TKFC: variants seen among roughly 807,000 people sequenced by gnomAD.
The protein encoded by TKFC is triokinase/FMN cyclase.
In TKFC, 46 loss-of-function variants were observed where a neutral mutation model predicts 61.0. The observed-to-expected ratio is 0.75, with a 90% CI of 0.60 to 0.96. The LOEUF is 0.96. Among genes scored for constraint, TKFC ranks in the 50% least tolerant of loss-of-function variants. TKFC has a pLI of 0.00. For missense variants in TKFC, 715 were observed against 777.5 expected (o/e 0.92, Z 0.96); for synonymous variants, 314 against 330.1 (o/e 0.95, Z 0.53).
intron 2 of TKFC, among the ~76,000 whole-genome samples, chr11:61,337,451 T>C (rs890596608): frequency 2.6e-5 from 4 of 152,180 alleles, no homozygotes; most frequent in African/African-American, 9.6e-5. Flanking sequence ...TGAGCTGTTA[T>C]CTCTACACAT....
chr11:61,352,843 A>C (rs755557977), downstream of TKFC: 4 of 1,493,384 alleles, frequency 2.7e-6, no homozygotes, highest in Non-Finnish European at 3.6e-6. Flanking sequence ...AGAAAGATCA[A>C]TTCTGTTACC....
intron 5 of TKFC, among the ~76,000 whole-genome samples, chr11:61,340,232 G>A (rs952361495): frequency 1.3e-5 from 2 of 151,666 alleles, no homozygotes; most frequent in Non-Finnish European, 2.9e-5. Context: ...GGCTGGCCTC[G>A]AACTCCTGAC....
At position 61,346,597 on chromosome 11, in the gene TKFC, C is replaced by T; in HGVS notation, c.*94C>T. 4.7e-6 allele frequency: 7 copies of T among 1,496,928 alleles called. No individual in the cohort carries two copies. Among genetic ancestry groups the T allele is most frequent in the Non-Finnish European group, 6.2e-6 (7 of 1,128,908 alleles). 92.7% of individuals were successfully genotyped at this position (1,496,928 alleles called of 1,614,324 possible). A position where few individuals can be genotyped will look rare whatever the true frequency, so the allele number is the denominator to read the frequency against. On this transcript the variant is annotated 3_prime_UTR_variant, in exon 18 of 18. Coordinates refer to ENST00000394900, the MANE Select transcript of TKFC (RefSeq NM_015533.4). The surrounding 1 kb of genome is among the most constrained non-coding windows in gnomAD (Gnocchi z 4.1). Reference sequence around the variant, plus strand: ...TTCTGCCTTCCAACCCTCACCTTCCCCCGGCCTGGCCCCATTGGCCCACCC... The same window carrying T: ...TTCTGCCTTCCAACCCTCACCTTCCTCCGGCCTGGCCCCATTGGCCCACCC...
downstream of TKFC, chr11:61,350,266 G>A: frequency 8.1e-7 from 1 of 1,232,292 alleles, no homozygotes; most frequent in South Asian, 1.4e-5. Flanking sequence ...CCAGCACCCA[G>A]GCAAGAAGTC....
At chr11:61,341,639 G>A (rs1856859962) in intron 6 of TKFC, 125 bp downstream of exon 6, 1 of 1,271,224 alleles carries the variant, frequency 7.9e-7, no homozygotes, top group Non-Finnish European at 1.1e-6. Flanking sequence ...TCTAGGGAGT[G>A]TATCCCTGGG....
chr11:61,333,302 C>T lies in TKFC; in HGVS notation c.-137C>T, dbSNP rs1856454211. The T allele has an allele frequency of 9.2e-6, 2 of 217,752 alleles. No homozygotes were observed. The highest frequency in any genetic ancestry group is 2.3e-5 in the African/African-American group (1 of 43,936). 13.5% of individuals were successfully genotyped at this position (217,752 alleles called of 1,614,324 possible). A position where few individuals can be genotyped will look rare whatever the true frequency, so the allele number is the denominator to read the frequency against. On this transcript the variant is annotated 5_prime_UTR_variant, in exon 1 of 18. Coordinates refer to ENST00000394900, the MANE Select transcript of TKFC (RefSeq NM_015533.4). ...GAAGTCGCGGCGCCTTCGGATGTGG[C>T]GGATGCGGCCGTGAGCCGGCGGGGG...
downstream of TKFC, chr11:61,352,509 A>C (rs1302947786): frequency 6.0e-6 from 1 of 167,504 alleles, no homozygotes; most frequent in Admixed American, 5.6e-5. Flanking sequence ...AAAATTCAAA[A>C]AATTAGCCGG....
In TKFC at chr11:61,338,098, G is replaced by C; in HGVS notation, c.161G>C (p.Gly54Ala). The change falls in exon 3 of 18, where the codon GGT (glycine) becomes GCT (alanine). Residue 54 changes from glycine (G) to alanine (A), a missense_variant. Transcript: ENST00000394900. ...AAGGGCCGGGTGGCACTGCTGTCGGGTGGGGGCTCTGGCCATGAGCCTGCC... is the reference window on the plus strand; with the variant it reads ...AAGGGCCGGGTGGCACTGCTGTCGGCTGGGGGCTCTGGCCATGAGCCTGCC... ...SLKGRVALLS[G>A]GGSGHEPAHA... 6.2e-7 allele frequency: 1 copy of C among 1,606,550 alleles called. No homozygotes were observed. Among genetic ancestry groups the C allele is most frequent in the Non-Finnish European group, 8.5e-7 (1 of 1,178,602 alleles).
intron 2 of TKFC, among the ~76,000 whole-genome samples, chr11:61,336,723 G>A (rs990260773): frequency 1.3e-5 from 2 of 152,116 alleles, no homozygotes; most frequent in Admixed American, 6.5e-5. Context: ...TGGCCCCCAC[G>A]CTACTCACTT....
chr11:61,339,555 T>C (rs942033559), intron 5 of TKFC, 120 bp downstream of exon 5: 2 of 1,183,026 alleles, frequency 1.7e-6, no homozygotes, highest in South Asian at 1.6e-5. Context: ...TTTTCTCCAG[T>C]GTTCCCTGAT....
Position 61,341,601 on chromosome 11 carries a change from C to T in TKFC, c.565+87C>T, listed in dbSNP as rs1856859010. 2.8e-6 allele frequency: 4 copies of T among 1,437,220 alleles called. No individual in the cohort carries two copies. In the African/African-American group the frequency reaches 4.2e-5, roughly 15 times the overall value. The allele number at this position is 1,437,220 out of a possible 1,614,324, so 89.0% of individuals were successfully genotyped here. ...GAGCAGGTTCCTGTTGGCTGCCTAG[C>T]GGTGCTCCCCAGGTTATTCCCCAGG... is the stretch of plus-strand genomic sequence containing the variant. On this transcript the variant is annotated intron_variant, in intron 6 of 17. Transcript: ENST00000394900.
chr11:61,349,760 C>T, downstream of TKFC: 2 of 658,026 alleles, frequency 3.0e-6, no homozygotes, highest in Non-Finnish European at 5.6e-6. Context: ...GCCACTCCCC[C>T]TTTCTGCAAT....
intron 2 of TKFC, 49 bp from the exon 3 acceptor site, chr11:61,337,892 G>A (rs372891025): frequency 7.3e-6 from 11 of 1,516,946 alleles, no homozygotes; most frequent in Non-Finnish European, 9.7e-6. Context: ...CAGGATGGGG[G>A]TATCTGTACT....
At chr11:61,350,165 C>G, downstream of TKFC, 1 of 598,822 alleles carries the variant, frequency 1.7e-6, no homozygotes, top group Non-Finnish European at 2.9e-6. Context: ...GGAAAGCAGA[C>G]AGGCAGCAAG....
chr11:61,337,883 A>G (rs1856676156), intron 2 of TKFC, 58 bp from the exon 3 acceptor site: 4 of 1,476,778 alleles, frequency 2.7e-6, no homozygotes, highest in Non-Finnish European at 1.8e-6. Context: ...GTGGCTGCGC[A>G]GGATGGGGGT....
In TKFC at chr11:61,345,571, C is replaced by T. The variant is rs745947455; in HGVS notation, c.1451+6C>T. On this transcript the variant is annotated splice_donor_region_variant and intron_variant, in intron 15 of 17. Transcript: ENST00000394900. ...GGCCTGGAAGCCATGCAGAAGTGAG[C>T]CAGAGCCCTGTGCATCAGACCAGGG... 6.2e-7 allele frequency: 1 copy of T among 1,612,698 alleles called. No individual in the cohort carries two copies. Among genetic ancestry groups the T allele is most frequent in the Non-Finnish European group, 8.5e-7 (1 of 1,179,968 alleles).
chr11:61,352,592 T>G (rs1590601530), downstream of TKFC: 1 of 211,352 alleles, frequency 4.7e-6, no homozygotes, highest in South Asian at 6.6e-5. Flanking sequence ...ACCCAGCAGG[T>G]GGAGGTTGCA....
chr11:61,350,543 C>G, downstream of TKFC: 3 of 1,295,126 alleles, frequency 2.3e-6, no homozygotes. Context: ...CCAAATCCCT[C>G]AGGGAAGCCC....
chr11:61,351,098 C>G (rs764758456), downstream of TKFC: 1 of 1,613,854 alleles, frequency 6.2e-7, no homozygotes, highest in South Asian at 1.1e-5. Flanking sequence ...GTGCTGTTGG[C>G]AAAGACCGCC....
Sources: gnomAD v4.1 joint callset for allele counts (sites outside exome capture counted in the v4.1 genomes callset) on GRCh38, gnomAD v4.1.1 for gene constraint, Gnocchi (gnomAD v3.1) non-coding constraint, MANE v1.5 for transcripts, NCBI Gene and HGNC (gene_info 2026-07-23, HGNC 2026-07-21) for gene names.